The following ZEB2 variants were observed in gnomAD, a reference collection of about 807,000 sequenced individuals.
ZEB2 encodes the protein zinc finger E-box binding homeobox 2.
Under a neutral mutation model 99.9 loss-of-function variants are expected in ZEB2, and 6 were observed. The ratio of observed to expected loss-of-function variants is 0.06; its 90% CI spans 0.03 to 0.12. The LOEUF (loss-of-function observed/expected upper bound fraction) is 0.12. ZEB2 is among the 10% of genes least tolerant of loss of function. ZEB2 has a pLI of 1.00. For missense variants in ZEB2, 969 were observed against 1,502.8 expected (o/e 0.64, Z 5.87); for synonymous variants, 517 against 542.5 (o/e 0.95, Z 0.65).
At chr2:144,444,098 G>A (rs1233199881) in intron 2 of ZEB2, among the ~76,000 whole-genome samples, 1 of 152,128 alleles carries the variant, frequency 6.6e-6, no homozygotes, top group Non-Finnish European at 1.5e-5. Context: ...ACTTTCTATT[G>A]TCTTTGCACT....
chr2:144,425,158 G>T (rs1268848138), intron 3 of ZEB2, among the ~76,000 whole-genome samples: 1 of 152,204 alleles, frequency 6.6e-6, no homozygotes, highest in African/African-American at 2.4e-5. Context: ...ATGGGGGAAA[G>T]ATATTATTTT....
At chr2:144,404,171 G>C in intron 5 of ZEB2, 41 bp from the exon 6 acceptor site, 2 of 1,608,516 alleles carry the variant, frequency 1.2e-6, no homozygotes, top group Non-Finnish European at 1.7e-6. Context: ...CGGGCCAAAA[G>C]GTCAGTAAAT....
chr2:144,450,926 C>T (rs189392529), intron 2 of ZEB2, among the ~76,000 whole-genome samples: 1 of 152,220 alleles, frequency 6.6e-6, no homozygotes, highest in Non-Finnish European at 1.5e-5. Flanking sequence ...GATCCGCCTG[C>T]CTTGGCCTCC....
intron 4 of ZEB2, among the ~76,000 whole-genome samples, chr2:144,406,292 T>G (rs965518921): frequency 6.6e-6 from 1 of 152,174 alleles, no homozygotes; most frequent in African/African-American, 2.4e-5. Flanking sequence ...CATGTCCTGC[T>G]CTGGTGAGCA....
chr2:144,417,009 C>T (rs960046645), intron 4 of ZEB2, among the ~76,000 whole-genome samples: 2 of 152,192 alleles, frequency 1.3e-5, no homozygotes, highest in African/African-American at 4.8e-5. Flanking sequence ...TAACGTTGCA[C>T]TAAATATTTT....
rs1375191400 is a variant in ZEB2, at chr2:144,402,461, C to T, written c.808-1154G>A. Among the ~76,000 whole-genome samples, 4 of 152,282 alleles carry T rather than the reference C, an allele frequency of 2.6e-5. No homozygotes were observed. In the East Asian group the frequency reaches 7.7e-4, roughly 29 times the overall value. ...CGAGCGCCATTGAGGGACCAGCGCT[C>T]ATATGTTGCTGAGTTGCATAAACAA... is the stretch of plus-strand genomic sequence containing the variant. On this transcript the variant is annotated intron_variant, in intron 6 of 9. Transcript: ENST00000627532.
chr2:144,513,113 T>C (rs1482390645), intron 2 of ZEB2: 11 of 1,286,242 alleles, frequency 8.6e-6, no homozygotes, highest in Non-Finnish European at 1.1e-5. Context: ...AGGCACCTCC[T>C]GGAGAAGGGG....
chr2:144,464,411 G>A (rs368346807), intron 2 of ZEB2: 8 of 152,030 alleles, frequency 5.3e-5, no homozygotes, highest in African/African-American at 1.9e-4. Context: ...ATTTAGAAAG[G>A]CAACTATTCA....
At chr2:144,413,100 T>C (rs1229742185) in intron 4 of ZEB2, among the ~76,000 whole-genome samples, 2 of 152,236 alleles carry the variant, frequency 1.3e-5, no homozygotes, top group Non-Finnish European at 1.5e-5. Flanking sequence ...TTTCAATTAA[T>C]TAATTACTTT....
chr2:144,442,303 C>T (rs1010960136), intron 2 of ZEB2, among the ~76,000 whole-genome samples: 2 of 152,012 alleles, frequency 1.3e-5, no homozygotes, highest in African/African-American at 4.8e-5. Context: ...TGAAGAAATT[C>T]CTGATACAAG....
intron 2 of ZEB2, among the ~76,000 whole-genome samples, chr2:144,503,382 T>C (rs1024324610): frequency 5.3e-5 from 8 of 152,218 alleles, no homozygotes; most frequent in African/African-American, 1.9e-4. Flanking sequence ...CTTCAGCCCT[T>C]TGTTCACAGC....
At chr2:144,408,845 T>C (rs1325510000) in intron 4 of ZEB2, among the ~76,000 whole-genome samples, 1 of 152,196 alleles carries the variant, frequency 6.6e-6, no homozygotes, top group Non-Finnish European at 1.5e-5. Flanking sequence ...GGCCAACTTG[T>C]TGATTGGTCC....
intron 2 of ZEB2, among the ~76,000 whole-genome samples, chr2:144,487,787 G>C (rs1313756249): frequency 1.3e-5 from 2 of 152,116 alleles, no homozygotes; most frequent in African/African-American, 4.8e-5. Flanking sequence ...AAAATTTAAG[G>C]ATAATTACGG....
chr2:144,401,573 A>C (rs934402357), intron 6 of ZEB2, among the ~76,000 whole-genome samples: 1 of 152,230 alleles, frequency 6.6e-6, no homozygotes, highest in Non-Finnish European at 1.5e-5. Context: ...TGTTTCTTTG[A>C]ACCTTTGGGG....
At chr2:144,404,267 G>A in intron 5 of ZEB2, 137 bp from the exon 6 acceptor site, 1 of 943,568 alleles carries the variant, frequency 1.1e-6, no homozygotes, top group Non-Finnish European at 1.6e-6. Context: ...ATTGCACCCG[G>A]CCCCCTCGCA....
intron 2 of ZEB2, among the ~76,000 whole-genome samples, chr2:144,433,006 T>C (rs1187602579): frequency 2.0e-5 from 3 of 152,156 alleles, no homozygotes; most frequent in African/African-American, 7.2e-5. Context: ...ATTCAGTCCT[T>C]ACAGGTCAAA....
chr2:144,429,528 G>T, intron 3 of ZEB2: 1 of 569,740 alleles, frequency 1.8e-6, no homozygotes, highest in Admixed American at 3.0e-5. Flanking sequence ...TTGAAAGTGT[G>T]GTTCATGTTT....
chr2:144,517,356 A>C lies in ZEB2; in HGVS notation c.-6T>G. 1 of 1,613,628 alleles carries C rather than the reference A, an allele frequency of 6.2e-7. No homozygotes were observed. Among genetic ancestry groups the C allele is most frequent in the Non-Finnish European group, 8.5e-7 (1 of 1,179,822 alleles). On this transcript the variant is annotated 5_prime_UTR_variant, in exon 2 of 10. Transcript: ENST00000627532. ...GCCATGATCGGCTGCTTCATTGATA[A>C]GAGCGGATCAGATGGCAGTTCGCAT...
At position 144,506,588 on chromosome 2, in the gene ZEB2, A is replaced by G. The variant is rs78182527; in HGVS notation, c.73+10690T>C. On this transcript the variant is annotated intron_variant, in intron 2 of 9. Coordinates refer to ENST00000627532, the MANE Select transcript of ZEB2 (RefSeq NM_014795.4). ...AATTGCAATTTCCTTGATTACAGTTACTTGGATATACAAGACAATAAATAC... is the reference window on the plus strand; with the variant it reads ...AATTGCAATTTCCTTGATTACAGTTGCTTGGATATACAAGACAATAAATAC... 1.7e-4 allele frequency among the ~76,000 whole-genome samples: 26 copies of G among 152,358 alleles called. No individual in the cohort carries two copies. The East Asian group carries it at 4.8e-3, about 28-fold the overall frequency.
Sources: allele counts gnomAD v4.1 joint callset (sites outside exome capture counted in the v4.1 genomes callset), GRCh38; gene constraint gnomAD v4.1.1; transcripts MANE v1.5; gene names NCBI Gene and HGNC (gene_info 2026-07-23, HGNC 2026-07-21).